Variants in C1orf159 observed in about 807,000 individuals in gnomAD.
C1orf159 encodes chromosome 1 open reading frame 159, also known as uncharacterized protein C1orf159.
C1orf159 carries 19 observed loss-of-function variants against 25.6 expected under a neutral mutation model. The observed-to-expected ratio is 0.74, with a 90% CI of 0.52 to 1.09. The LOEUF is 1.09. Ranked by LOEUF, C1orf159 falls within the 50% of genes least tolerant of loss-of-function variation. The pLI, the probability that C1orf159 is intolerant of heterozygous loss-of-function variation, is 0.00. For missense variants in C1orf159, 274 were observed against 290.6 expected, an observed-to-expected ratio of 0.94 and a Z score of 0.42; for synonymous variants, 139 against 124.7, an observed-to-expected ratio of 1.12 and a Z score of -0.77.
intron 1 of C1orf159, among the ~76,000 whole-genome samples, chr1:1,096,830 T>TC (rs1158892012): frequency 6.6e-6 from 1 of 152,124 alleles, no homozygotes; most frequent in Non-Finnish European, 1.5e-5. Context: ...GCCCAGGCCA[T>TC]CCTCCCACCT....
rs772798939 is a variant in C1orf159, at chr1:1,091,792, G to A, written c.-23+199C>T. On this transcript the variant is annotated intron_variant, in intron 2 of 9. Transcript: ENST00000421241. ...CCAAATGGAAGTGGGCGGGGCTGTGGCAGGGAGGGTGGGGCCAAATGGAGA... is the reference window on the plus strand; with the variant it reads ...CCAAATGGAAGTGGGCGGGGCTGTGACAGGGAGGGTGGGGCCAAATGGAGA... 536 of 356,886 alleles carry A rather than the reference G, an allele frequency of 1.5e-3. 10 individuals are homozygous for A. Among genetic ancestry groups the A allele is most frequent in the South Asian group, 5.2e-3 (256 of 49,416 alleles). 22.1% of individuals were successfully genotyped at this position (356,886 alleles called of 1,614,324 possible). A position where few individuals can be genotyped will look rare whatever the true frequency, so the allele number is the denominator to read the frequency against.
intron 1 of C1orf159, among the ~76,000 whole-genome samples, chr1:1,099,017 C>T (rs1035309705): frequency 3.4e-5 from 5 of 148,866 alleles, no homozygotes; most frequent in Admixed American, 2.0e-4. Flanking sequence ...TTCCAAGAAT[C>T]GGAGACAGAG....
intron 1 of C1orf159, among the ~76,000 whole-genome samples, chr1:1,096,055 G>A (rs1336119322): frequency 6.6e-6 from 1 of 152,162 alleles, no homozygotes; most frequent in Non-Finnish European, 1.5e-5. Context: ...TTAGGCTATT[G>A]TTGGATTTCA....
chr1:1,090,785 G>A, intron 3 of C1orf159: 1 of 1,096,768 alleles, frequency 9.1e-7, no homozygotes, highest in Admixed American at 2.0e-5. Flanking sequence ...ACCCCACAGA[G>A]GAAGTGCCCG....
At chr1:1,091,026 A>C (rs1645922561) in intron 3 of C1orf159, 1 of 1,453,540 alleles carries the variant, frequency 6.9e-7, no homozygotes, top group Non-Finnish European at 9.4e-7. Context: ...GTGACTGCGG[A>C]GTGCGGGATA....
chr1:1,091,783 G>A (rs1161650872), intron 2 of C1orf159: 4 of 523,262 alleles, frequency 7.6e-6, no homozygotes, highest in African/African-American at 2.0e-5. Context: ...GGAAGTGGGC[G>A]GGGCTGTGGC....
At chr1:1,111,971 C>T (rs985246272) in intron 1 of C1orf159, among the ~76,000 whole-genome samples, 3 of 152,328 alleles carry the variant, frequency 2.0e-5, no homozygotes, top group Non-Finnish European at 2.9e-5. Flanking sequence ...GGAGACATCC[C>T]CCTTTGTTGA....
chr1:1,090,919 A>G (rs1645920182), intron 3 of C1orf159: 2 of 1,550,280 alleles, frequency 1.3e-6, no homozygotes, highest in Admixed American at 2.0e-5. Context: ...CAGACTGGAC[A>G]GGCCTGGGGG....
chr1:1,083,800 T>C (rs9442396), intron 9 of C1orf159: 566,869 of 978,358 alleles, frequency 0.58, 166,720 homozygotes, highest in East Asian at 0.8. Flanking sequence ...CATGACAGAC[T>C]TCTGCACAGG....
In C1orf159 at chr1:1,087,597, C is replaced by T; in HGVS notation, c.149G>A (p.Gly50Asp). The change falls in exon 5 of 10, where the codon GGC becomes GAC. Residue 50 changes from glycine (G) to aspartate (D), a missense_variant and splice_region_variant. Gly to Asp is a moderately conservative substitution (Grantham distance 94). Coordinates refer to ENST00000421241, the MANE Select transcript of C1orf159 (RefSeq NM_017891.5). The surrounding 1 kb of genome is among the most constrained non-coding windows in gnomAD (Gnocchi z 8.3). ...GTCCGCGTTCCAGCGCCTGTAACAG[C>T]CTGCGTGGGGCAGAGGACGGGCATG... is the stretch of plus-strand genomic sequence containing the variant. Reference protein sequence around the residue: ...SCPGASLCGPGCYRRWNADGS... With the variant: ...SCPGASLCGPDCYRRWNADGS... 6.5e-7 allele frequency: 1 copy of T among 1,544,784 alleles called. No individual in the cohort carries two copies. Among genetic ancestry groups the T allele is most frequent in the East Asian group, 2.4e-5 (1 of 40,878 alleles).
Position 1,082,890 on chromosome 1 carries a change from A to G in C1orf159, c.*3T>C, listed in dbSNP as rs1645766662. The G allele has an allele frequency of 1.3e-6, 2 of 1,584,916 alleles. No individual in the cohort carries two copies. Among genetic ancestry groups the G allele is most frequent in the African/African-American group, 1.3e-5 (1 of 74,348 alleles). ...AGTGCGTGGCGTGGTCTCGGCCTCC[A>G]GGTCAGACATTGCTGATACGGGCCT... is the stretch of plus-strand genomic sequence containing the variant. On this transcript the variant is annotated 3_prime_UTR_variant, in exon 10 of 10. Coordinates refer to ENST00000421241, the MANE Select transcript of C1orf159 (RefSeq NM_017891.5).
At chr1:1,084,271 G>A (rs145596047) in intron 9 of C1orf159, 82 bp downstream of exon 9, 1,810 of 1,520,068 alleles carry the variant, frequency 1.2e-3, no homozygotes, top group Non-Finnish European at 1.5e-3. Context: ...AGGCAAACCC[G>A]TTTGGGGACA....
intron 4 of C1orf159, 52 bp downstream of exon 4, chr1:1,090,301 C>A (rs1029440380): frequency 1.3e-6 from 2 of 1,521,600 alleles, no homozygotes; most frequent in East Asian, 2.5e-5. Flanking sequence ...GGCACACACA[C>A]ACCAGTGGCT....
rs866291991 is a variant in C1orf159, at chr1:1,082,756, G to A, written c.*137C>T. 133 of 773,442 alleles carry A rather than the reference G, an allele frequency of 1.7e-4. No homozygotes were observed. In the Admixed American group the frequency reaches 2.3e-3, roughly 13 times the overall value. 47.9% of individuals were successfully genotyped at this position (773,442 alleles called of 1,614,324 possible). On this transcript the variant is annotated 3_prime_UTR_variant, in exon 10 of 10. Transcript: ENST00000421241. ...CCTTTGGCGTCCGTCGCTGGGAGGC[G>A]GAGGGACTCAGAGCCGAGGCTGTGC...
chr1:1,086,309 G>A (rs1026339376), intron 6 of C1orf159, among the ~76,000 whole-genome samples: 11 of 152,244 alleles, frequency 7.2e-5, no homozygotes, highest in African/African-American at 2.4e-4. Flanking sequence ...CGGGCTCTGC[G>A]GAAACACCTC....
At chr1:1,105,537 G>A (rs72910169) in intron 1 of C1orf159, among the ~76,000 whole-genome samples, 1 of 151,990 alleles carries the variant, frequency 6.6e-6, no homozygotes, top group East Asian at 1.9e-4. Context: ...AAAGGCATTG[G>A]ATTTAAAAAA....
chr1:1,103,032 G>A (rs1253466016), intron 1 of C1orf159, among the ~76,000 whole-genome samples: 1 of 151,756 alleles, frequency 6.6e-6, no homozygotes, highest in Non-Finnish European at 1.5e-5. Flanking sequence ...TAGTAGAGAC[G>A]GGGTTTCACC....
intron 1 of C1orf159, among the ~76,000 whole-genome samples, chr1:1,102,127 G>A (rs923170161): frequency 1.3e-4 from 20 of 149,850 alleles, no homozygotes; most frequent in African/African-American, 4.7e-4. Context: ...TCCAGGTGTG[G>A]TTTTATTCTC....
chr1:1,103,712 A>C (rs1226007936), intron 1 of C1orf159, among the ~76,000 whole-genome samples: 2 of 152,190 alleles, frequency 1.3e-5, no homozygotes, highest in Non-Finnish European at 2.9e-5. Context: ...GGAACAAGGA[A>C]GATAGCGTAC....
Sources: allele counts gnomAD v4.1 joint callset (sites outside exome capture counted in the v4.1 genomes callset), GRCh38; gene constraint gnomAD v4.1.1; non-coding constraint Gnocchi (gnomAD v3.1); transcripts MANE v1.5; gene names NCBI Gene and HGNC (gene_info 2026-07-23, HGNC 2026-07-21).